The following RABGAP1L variants were observed in gnomAD, a reference collection of about 807,000 sequenced individuals.
The protein encoded by RABGAP1L is RAB GTPase activating protein 1 like, also known as rab GTPase-activating protein 1-like.
A neutral mutation model predicts 137.7 loss-of-function variants in RABGAP1L; 63 were observed. That is an observed-to-expected ratio of 0.46 (90% CI 0.37 to 0.56). RABGAP1L has a LOEUF of 0.56. RABGAP1L is among the 20% of genes least tolerant of loss of function. The probability of loss-of-function intolerance (pLI) is 0.00; values close to 1 mark genes in which losing one functional copy is unlikely to be tolerated. For missense variants in RABGAP1L, 1,095 were observed against 1,244.0 expected, an observed-to-expected ratio of 0.88 and a Z score of 1.80; for synonymous variants, 431 against 433.7, an observed-to-expected ratio of 0.99 and a Z score of 0.08.
chr1:174,739,995 G>A (rs1572987262), intron 17 of RABGAP1L, among the ~76,000 whole-genome samples: 1 of 152,134 alleles, frequency 6.6e-6, no homozygotes, highest in African/African-American at 2.4e-5. Context: ...GCTCCTTAGC[G>A]ATCCTCAGGG....
intron 19 of RABGAP1L, among the ~76,000 whole-genome samples, chr1:174,942,327 T>C (rs1221079016): frequency 6.6e-6 from 1 of 152,356 alleles, no homozygotes; most frequent in East Asian, 1.9e-4. Flanking sequence ...TTATTTCTCT[T>C]GTTCTATATT....
At position 174,994,269 on chromosome 1, in the gene RABGAP1L, GAGAA is replaced by G. The variant is rs34594384; in HGVS notation, c.*4270_*4273del. 17,306 of 152,108 alleles carry G rather than the reference GAGAA, an allele frequency of 0.11. 3,267 individuals are homozygous for G. The highest frequency in any genetic ancestry group is 0.39 in the African/African-American group (16,220 of 41,336). The allele number at this position is 152,108 out of a possible 1,614,324, so 9.4% of individuals were successfully genotyped here. ...GGAGATGCTGATCTTGAGTTGTAAT[GAGAA>G]AAGTGGGCATATAGGAGATTTTAGT... On this transcript the variant is annotated 3_prime_UTR_variant, in exon 26 of 26. Coordinates refer to ENST00000681986, the MANE Select transcript of RABGAP1L (RefSeq NM_001366446.1).
intron 18 of RABGAP1L, among the ~76,000 whole-genome samples, chr1:174,801,733 A>G (rs1277332309): frequency 6.6e-6 from 1 of 152,206 alleles, no homozygotes; most frequent in African/African-American, 2.4e-5. Flanking sequence ...TCTTTTTCTT[A>G]AAGGAGAAAA....
In RABGAP1L at chr1:174,454,629, C is replaced by T. The variant is rs1388416905; in HGVS notation, c.1710+60484C>T. 2.0e-5 allele frequency among the ~76,000 whole-genome samples: 3 copies of T among 150,610 alleles called. No homozygotes were observed. The East Asian group carries it at 5.9e-4, about 30-fold the overall frequency. ...GCAGTGGCGCTATCTCTGCTCACTGCAAGCTCGCCTCCCGGGTTCACGCCA... is the reference window on the plus strand; with the variant it reads ...GCAGTGGCGCTATCTCTGCTCACTGTAAGCTCGCCTCCCGGGTTCACGCCA... On this transcript the variant is annotated intron_variant, in intron 13 of 25. Transcript: ENST00000681986.
At chr1:174,899,689 T>G (rs1367051019) in intron 19 of RABGAP1L, among the ~76,000 whole-genome samples, 1 of 152,214 alleles carries the variant, frequency 6.6e-6, no homozygotes, top group Non-Finnish European at 1.5e-5. Context: ...TCATGAGGCG[T>G]ATTTTAGTCA....
chr1:174,979,813 G>A (rs895064930), intron 23 of RABGAP1L, among the ~76,000 whole-genome samples: 3 of 152,076 alleles, frequency 2.0e-5, no homozygotes, highest in Non-Finnish European at 4.4e-5. Context: ...CTTCCTGTTG[G>A]CTGGACATGG....
At chr1:174,988,549 TAAGCA>T (rs1261456806) in intron 24 of RABGAP1L, 87 bp from the exon 25 acceptor site, 89 of 1,135,202 alleles carry the variant, frequency 7.8e-5, no homozygotes, top group Non-Finnish European at 9.5e-5. Context: ...TCTATGACAA[TAAGCA>T]GCATCTAAAA....
intron 13 of RABGAP1L, among the ~76,000 whole-genome samples, chr1:174,625,253 A>G (rs1414546337): frequency 6.6e-6 from 1 of 152,194 alleles, no homozygotes; most frequent in Non-Finnish European, 1.5e-5. Flanking sequence ...CTACCAGATT[A>G]TAGGCTCCGT....
intron 19 of RABGAP1L, among the ~76,000 whole-genome samples, chr1:174,913,083 C>A (rs895840039): frequency 6.6e-6 from 1 of 151,974 alleles, no homozygotes; most frequent in Non-Finnish European, 1.5e-5. Context: ...TCAAGCAATT[C>A]TTCCACCTCT....
At chr1:174,279,921 C>T (rs1675346913) in intron 10 of RABGAP1L, among the ~76,000 whole-genome samples, 1 of 151,988 alleles carries the variant, frequency 6.6e-6, no homozygotes, top group Non-Finnish European at 1.5e-5. Context: ...AATAAAGGAG[C>T]TGGAGCTGTA....
At chr1:174,749,389 G>T (rs973806574) in intron 17 of RABGAP1L, among the ~76,000 whole-genome samples, 1 of 150,824 alleles carries the variant, frequency 6.6e-6, no homozygotes, top group African/African-American at 2.4e-5. Flanking sequence ...GGAGTGCAAT[G>T]GTGTGATCTT....
intron 13 of RABGAP1L, among the ~76,000 whole-genome samples, chr1:174,499,613 G>T (rs1242293875): frequency 6.6e-6 from 1 of 152,126 alleles, no homozygotes; most frequent in Admixed American, 6.5e-5. Context: ...CTACCATTCC[G>T]AGCCTCAGTT....
chr1:174,247,385 CATCTCCACAGTGGGGA>C (rs1558067780), intron 5 of RABGAP1L, among the ~76,000 whole-genome samples: 1 of 152,186 alleles, frequency 6.6e-6, no homozygotes, highest in Non-Finnish European at 1.5e-5. Flanking sequence ...GTTAGTGTGG[CATCTCCACAGTGGGGA>C]ATGTTGTAGG....
chr1:174,487,538 G>A (rs1256297295), intron 13 of RABGAP1L, among the ~76,000 whole-genome samples: 1 of 151,904 alleles, frequency 6.6e-6, no homozygotes, highest in East Asian at 1.9e-4. Flanking sequence ...TGTTTTTCTT[G>A]TAGGCAACAG....
Position 174,166,234 on chromosome 1 carries a change from TTTTTTTGTTTG to T in RABGAP1L, c.-34+6588_-34+6598del, listed in dbSNP as rs1664897391. On this transcript the variant is annotated intron_variant, in intron 1 of 25. Transcript: ENST00000681986. ...TTATTTGTAAGGAGAGACAGTGTTT[TTTTTTTGTTTG>T]TTTTTTGTTTTTCTTCATTAGCGTC... Among the ~76,000 whole-genome samples the T allele has an allele frequency of 4.6e-5, 7 of 152,282 alleles. No homozygotes were observed. In the South Asian group the frequency reaches 1.2e-3, roughly 27 times the overall value.
chr1:174,525,477 GTTTGTTGAT>G (rs1663793719), intron 13 of RABGAP1L, among the ~76,000 whole-genome samples: 1 of 151,804 alleles, frequency 6.6e-6, no homozygotes, highest in Admixed American at 6.6e-5. Context: ...TCCGATTTTT[GTTTGTTGAT>G]TTTGTATTCT....
intron 14 of RABGAP1L, among the ~76,000 whole-genome samples, chr1:174,644,312 T>G (rs1384732990): frequency 6.6e-6 from 1 of 152,014 alleles, no homozygotes; most frequent in African/African-American, 2.4e-5. Flanking sequence ...AAATAGCTTT[T>G]TAGTTTCTGT....
intron 17 of RABGAP1L, among the ~76,000 whole-genome samples, chr1:174,732,860 C>G (rs568164003): frequency 1.3e-5 from 2 of 152,088 alleles, no homozygotes; most frequent in Admixed American, 6.5e-5. Flanking sequence ...AAGACTCTGT[C>G]CTGTTTAGTG....
At chr1:174,547,634 A>G (rs1666126582) in intron 13 of RABGAP1L, among the ~76,000 whole-genome samples, 1 of 152,090 alleles carries the variant, frequency 6.6e-6, no homozygotes, top group South Asian at 2.1e-4. Context: ...AGAAGAAAAG[A>G]AATATATCTT....
Sources: allele counts gnomAD v4.1 joint callset (sites outside exome capture counted in the v4.1 genomes callset), GRCh38; gene constraint gnomAD v4.1.1; transcripts MANE v1.5; gene names NCBI Gene and HGNC (gene_info 2026-07-23, HGNC 2026-07-21).